Variants in EPYC observed in about 807,000 individuals in gnomAD.
EPYC encodes dermatan sulfate proteoglycan 3.
A neutral mutation model predicts 30.1 loss-of-function variants in EPYC; 28 were observed. That is an observed-to-expected ratio of 0.93 (90% confidence interval 0.69 to 1.28). The LOEUF (loss-of-function observed/expected upper bound fraction) is 1.28. Ranked by LOEUF, EPYC falls within the 50% of genes most tolerant of loss-of-function variation. The probability of loss-of-function intolerance (pLI) is 0.00; values close to 1 mark genes in which losing one functional copy is unlikely to be tolerated. For synonymous variants in EPYC, 144 were observed against 141.4 expected (o/e 1.02, Z -0.13); for missense variants, 382 against 383.5 (o/e 1.00, Z 0.03).
chr12:90,984,308 T>C (rs1182831606), intron 2 of EPYC, among the ~76,000 whole-genome samples: 27 of 152,112 alleles, frequency 1.8e-4, no homozygotes, highest in Admixed American at 1.8e-3. Flanking sequence ...CCAGGGACCA[T>C]TGTGTGTTCT....
intron 2 of EPYC, among the ~76,000 whole-genome samples, chr12:90,985,843 C>T (rs1877436402): frequency 6.6e-6 from 1 of 152,110 alleles, no homozygotes; most frequent in Non-Finnish European, 1.5e-5. Context: ...TCACTGAGCC[C>T]TGGGTAAGTT....
chr12:90,979,995 A>G (rs1877287431), intron 2 of EPYC, among the ~76,000 whole-genome samples: 1 of 152,186 alleles, frequency 6.6e-6, no homozygotes. Context: ...ATAAAGCTTG[A>G]CCAGAAAGCT....
intron 2 of EPYC, among the ~76,000 whole-genome samples, chr12:90,992,101 G>A (rs1045787240): frequency 1.3e-5 from 2 of 152,146 alleles, no homozygotes; most frequent in Non-Finnish European, 2.9e-5. Flanking sequence ...GATGGTTTCA[G>A]GATGAAGCTG....
At chr12:91,003,298 G>T (rs1197785973) in intron 1 of EPYC, among the ~76,000 whole-genome samples, 1 of 151,752 alleles carries the variant, frequency 6.6e-6, no homozygotes, top group Non-Finnish European at 1.5e-5. Context: ...TAATGAAATA[G>T]AATAGAAAAA....
At chr12:90,985,904 T>G (rs1877437466) in intron 2 of EPYC, among the ~76,000 whole-genome samples, 1 of 152,068 alleles carries the variant, frequency 6.6e-6, no homozygotes, top group Non-Finnish European at 1.5e-5. Flanking sequence ...TGGTGTGGCT[T>G]TCTCAGTGTT....
chr12:90,997,767 CT>C (rs1158477149), intron 2 of EPYC, among the ~76,000 whole-genome samples: 2 of 151,986 alleles, frequency 1.3e-5, no homozygotes, highest in Admixed American at 1.3e-4. Flanking sequence ...GCCATTCTTT[CT>C]TATAATAATT....
At chr12:90,978,521 C>T (rs1276691685) in intron 2 of EPYC, among the ~76,000 whole-genome samples, 2 of 149,050 alleles carry the variant, frequency 1.3e-5, no homozygotes, top group Non-Finnish European at 1.5e-5. Flanking sequence ...TCTTTAATAT[C>T]GTATATGTTT....
chr12:90,982,195 T>TAA (rs1877339068), intron 2 of EPYC, among the ~76,000 whole-genome samples: 1 of 152,132 alleles, frequency 6.6e-6, no homozygotes, highest in Non-Finnish European at 1.5e-5. Flanking sequence ...TACTATCCTC[T>TAA]CTTAGCTGGA....
intron 4 of EPYC, chr12:90,972,610 T>A (rs1369331547): frequency 4.8e-6 from 2 of 416,062 alleles, no homozygotes; most frequent in African/African-American, 4.0e-5. Flanking sequence ...TTTGAAAACA[T>A]CACCTATATG....
intron 3 of EPYC, among the ~76,000 whole-genome samples, chr12:90,975,673 C>A (rs1291044334): frequency 6.6e-6 from 1 of 152,022 alleles, no homozygotes; most frequent in Admixed American, 6.6e-5. Context: ...CTGAGAGATC[C>A]AACATACAGG....
intron 2 of EPYC, among the ~76,000 whole-genome samples, chr12:91,000,029 G>C (rs942414943): frequency 6.6e-6 from 1 of 151,962 alleles, no homozygotes; most frequent in Admixed American, 6.6e-5. Flanking sequence ...AAGTGCATTA[G>C]AGTTATTATA....
intron 6 of EPYC, among the ~76,000 whole-genome samples, chr12:90,967,700 C>T (rs961179373): frequency 2.0e-5 from 3 of 152,110 alleles, no homozygotes; most frequent in South Asian, 2.1e-4. Context: ...AGGCCAGGTG[C>T]GGTGGCTCAT....
Position 90,971,791 on chromosome 12 carries a change from A to C in EPYC, c.702+9T>G. On this transcript the variant is annotated intron_variant, in intron 5 of 6. Transcript: ENST00000261172. ...AGATAAAAGTCTGCATATCAAACTTAAAACTTACTTTAAATGCTTCTTGCT... is the reference window on the plus strand; with the variant it reads ...AGATAAAAGTCTGCATATCAAACTTCAAACTTACTTTAAATGCTTCTTGCT... 6.4e-7 allele frequency: 1 copy of C among 1,553,398 alleles called. No individual in the cohort carries two copies.
chr12:90,972,018 AAAGG>A lies in EPYC; in HGVS notation c.500-20_500-17del, dbSNP rs527341880. On this transcript the variant is annotated splice_polypyrimidine_tract_variant and intron_variant, in intron 4 of 6. Coordinates refer to ENST00000261172, the MANE Select transcript of EPYC (RefSeq NM_004950.5). ...TTTAAATCACCTAGCAGAAAAAAAT[AAAGG>A]AAGTAATTAAATATTCTTGTTTTGC... 8.8e-6 allele frequency: 12 copies of A among 1,369,232 alleles called. No individual in the cohort carries two copies. In the African/African-American group the frequency reaches 1.2e-4, roughly 14 times the overall value. 84.8% of individuals were successfully genotyped at this position (1,369,232 alleles called of 1,614,324 possible).
intron 6 of EPYC, among the ~76,000 whole-genome samples, chr12:90,967,468 T>C (rs1251484455): frequency 6.6e-6 from 1 of 152,226 alleles, no homozygotes; most frequent in Non-Finnish European, 1.5e-5. Context: ...ACATACTTTG[T>C]ATAATTTTAA....
At chr12:90,992,181 T>A (rs11105904) in intron 2 of EPYC, among the ~76,000 whole-genome samples, 8,973 of 152,200 alleles carry the variant, frequency 0.059, 390 homozygotes, top group African/African-American at 0.11. Flanking sequence ...GAATGCACAG[T>A]TCACAATAGT....
At chr12:90,993,846 T>C (rs890163990) in intron 2 of EPYC, among the ~76,000 whole-genome samples, 7 of 152,114 alleles carry the variant, frequency 4.6e-5, no homozygotes, top group Admixed American at 3.3e-4. Context: ...CATTTATTCA[T>C]GTAAGTAACC....
intron 2 of EPYC, among the ~76,000 whole-genome samples, chr12:90,988,285 G>A (rs1476825766): frequency 1.3e-5 from 2 of 152,094 alleles, no homozygotes; most frequent in Non-Finnish European, 2.9e-5. Context: ...AAGCCATTAG[G>A]AGCAGCTTCT....
At chr12:90,970,946 G>T (rs1264158264) in intron 5 of EPYC, among the ~76,000 whole-genome samples, 1 of 152,214 alleles carries the variant, frequency 6.6e-6, no homozygotes, top group Non-Finnish European at 1.5e-5. Context: ...AAGCCAGTTG[G>T]TTACTGTTCT....
Sources: allele counts gnomAD v4.1 joint callset (sites outside exome capture counted in the v4.1 genomes callset), GRCh38; gene constraint gnomAD v4.1.1; transcripts MANE v1.5; gene names NCBI Gene and HGNC (gene_info 2026-07-23, HGNC 2026-07-21).